Variants in DMD observed in about 807,000 individuals in gnomAD.
The protein encoded by DMD is dystrophin.
Under a neutral mutation model 330.1 loss-of-function variants are expected in DMD, and 63 were observed. The ratio of observed to expected loss-of-function variants is 0.19; its 90% confidence interval spans 0.16 to 0.24. DMD has a LOEUF of 0.24. DMD is among the 10% of genes least tolerant of loss of function. The probability of loss-of-function intolerance (pLI) is 1.00; values close to 1 mark genes in which losing one functional copy is unlikely to be tolerated. For synonymous variants in DMD, 1,223 were observed against 959.8 expected (o/e 1.27, Z -5.07); for missense variants, 3,344 against 2,684.1 (o/e 1.25, Z -5.43).
intron 2 of DMD, among the ~76,000 whole-genome samples, chrX:32,982,923 G>A (rs2092743974): frequency 8.9e-6 from 1 of 112,172 alleles, no homozygotes; most frequent in Non-Finnish European, 1.9e-5. Flanking sequence ...TACCTGTGAA[G>A]GAGTAAAGGA....
intron 51 of DMD, among the ~76,000 whole-genome samples, chrX:31,735,980 T>C (rs2086844109): frequency 8.9e-6 from 1 of 111,742 alleles, no homozygotes; most frequent in African/African-American, 3.3e-5. Context: ...CATGCTCTAC[T>C]GTTGCCATCT....
intron 11 of DMD, among the ~76,000 whole-genome samples, chrX:32,618,509 G>A (rs2057754143): frequency 9.0e-6 from 1 of 110,710 alleles, no homozygotes; most frequent in African/African-American, 3.3e-5. Context: ...GGGGCCTATT[G>A]GAGTTTGGAG....
At chrX:32,603,840 G>C (rs2056437286) in intron 12 of DMD, among the ~76,000 whole-genome samples, 1 of 111,091 alleles carries the variant, frequency 9.0e-6, no homozygotes, top group Admixed American at 9.6e-5. Flanking sequence ...ATAACAAATA[G>C]TGAAACTGAA....
intron 11 of DMD, among the ~76,000 whole-genome samples, chrX:32,635,874 C>T (rs572590440): frequency 2.6e-4 from 29 of 111,849 alleles, no homozygotes; most frequent in Middle Eastern, 4.6e-3. Context: ...GTACATCCAT[C>T]GCTATTGTCC....
chrX:32,726,922 C>T (rs749997644), intron 7 of DMD, among the ~76,000 whole-genome samples: 4 of 110,023 alleles, frequency 3.6e-5, no homozygotes, highest in South Asian at 3.9e-4. Flanking sequence ...ACTACCATGA[C>T]GATAAAGGAC....
rs189801666 is a variant in DMD, at chrX:33,330,033, C to T, written c.7+9226G>A. 9.0e-4 allele frequency among the ~76,000 whole-genome samples: 99 copies of T among 110,409 alleles called. 1 individual carries two copies. The East Asian group carries it at 0.025, about 28-fold the overall frequency. Reference sequence around the variant, plus strand: ...AGCCTATATATCTAAGTTACTTCAGCGAGTCAGAGATATAAATAGATATAT... The same window carrying T: ...AGCCTATATATCTAAGTTACTTCAGTGAGTCAGAGATATAAATAGATATAT... On this transcript the variant is annotated intron_variant, in intron 1 of 17. Transcript: ENST00000288447.
chrX:32,487,532 T>C (rs2042602950), intron 20 of DMD, among the ~76,000 whole-genome samples: 1 of 111,268 alleles, frequency 9.0e-6, no homozygotes, highest in African/African-American at 3.3e-5. Flanking sequence ...AAAAAAAAAG[T>C]TAATATTTAT....
chrX:32,484,782 G>C, intron 21 of DMD, 137 bp downstream of exon 21: 1 of 646,148 alleles, frequency 1.5e-6, no homozygotes, highest in South Asian at 2.6e-5. Context: ...CCAGTATTTC[G>C]TTCCTTGTTA....
chrX:31,915,820 C>T (rs1419820728), intron 47 of DMD, among the ~76,000 whole-genome samples: 2 of 111,383 alleles, frequency 1.8e-5, no homozygotes, highest in Non-Finnish European at 3.8e-5. Context: ...AACTGAATAC[C>T]TTACTTGTGA....
chrX:32,456,578 TTGTGTGTGTGTGTG>T lies in DMD; in HGVS notation c.3433-1760_3433-1747del, dbSNP rs60876331. On this transcript the variant is annotated intron_variant, in intron 25 of 78. Coordinates refer to ENST00000357033, the MANE Select transcript of DMD (RefSeq NM_004006.3). ...AAAACTATACATTCACATACATACT[TTGTGTGTGTGTGTG>T]TGTGTGTGTGTGTGTGTGTGTGTGT... 1.0e-3 allele frequency among the ~76,000 whole-genome samples: 93 copies of T among 89,498 alleles called. 2 individuals carry two copies. In the South Asian group the frequency reaches 0.042, roughly 40 times the overall value. The allele number at this position is 89,498 out of a possible 115,157, so 77.7% of individuals were successfully genotyped here. A position where few individuals can be genotyped will look rare whatever the true frequency, so the allele number is the denominator to read the frequency against.
chrX:32,448,515 G>A lies in DMD; in HGVS notation c.3727C>T (p.Leu1243=), dbSNP rs374715206. ...CAGAGCCACTGGTAGTTGGTGGTTAGAGTTTCAAGTTCCTTTTTTAAGGCC... is the reference window on the plus strand; with the variant it reads ...CAGAGCCACTGGTAGTTGGTGGTTAAAGTTTCAAGTTCCTTTTTTAAGGCC... ...QEALKKELET[L]TTNYQWLCTR... Residue 1243 remains leucine (L), a synonymous_variant, in exon 27 of 79, where the codon CTA becomes TTA. Transcript: ENST00000357033. 6 of 1,207,090 alleles carry A rather than the reference G, an allele frequency of 5.0e-6. No individual in the cohort carries two copies. The African/African-American group carries it at 1.1e-4, about 21-fold the overall frequency.
At chrX:32,381,747 C>A (rs1332892168) in intron 33 of DMD, among the ~76,000 whole-genome samples, 1 of 111,103 alleles carries the variant, frequency 9.0e-6, no homozygotes. Context: ...TATACTCTTA[C>A]AAGTTGCTCC....
chrX:32,072,430 A>G (rs754713920), intron 44 of DMD, among the ~76,000 whole-genome samples: 24 of 79,008 alleles, frequency 3.0e-4, no homozygotes, highest in East Asian at 1.0e-3. Flanking sequence ...TCTATTTGGG[A>G]AAAAAAAAAA....
chrX:33,174,051 A>T (rs1428923061), intron 1 of DMD, among the ~76,000 whole-genome samples: 4 of 107,418 alleles, frequency 3.7e-5, no homozygotes, highest in African/African-American at 1.4e-4. Context: ...AAAAAAAAAA[A>T]AAAGAATCCC....
At chrX:31,643,079 T>G (rs2079868728) in intron 54 of DMD, among the ~76,000 whole-genome samples, 1 of 112,012 alleles carries the variant, frequency 8.9e-6, no homozygotes, top group South Asian at 3.7e-4. Context: ...TGGTCTGAAT[T>G]TATTGCTATC....
Position 33,153,412 on chromosome X carries a change from AAAAC to A in DMD, c.31+57866_31+57869del, listed in dbSNP as rs751536999. Among the ~76,000 whole-genome samples, 527 of 112,839 alleles carry A rather than the reference AAAAC, an allele frequency of 4.7e-3. 2 individuals are homozygous for A. Among genetic ancestry groups the A allele is most frequent in the African/African-American group, 0.016 (487 of 31,109 alleles). ...GGCAACAAGAGTGAAACTCGGTCTC[AAAAC>A]AAACAAACAAACAAAACAAAACAAA... On this transcript the variant is annotated intron_variant, in intron 1 of 78. Transcript: ENST00000357033.
intron 1 of DMD, among the ~76,000 whole-genome samples, chrX:33,135,525 C>G (rs2095521738): frequency 8.9e-6 from 1 of 112,035 alleles, no homozygotes; most frequent in African/African-American, 3.2e-5. Context: ...ATAAAAAAAT[C>G]ACATTCTTAT....
At chrX:32,620,724 G>A (rs1026696289) in intron 11 of DMD, among the ~76,000 whole-genome samples, 3 of 111,652 alleles carry the variant, frequency 2.7e-5, no homozygotes, top group African/African-American at 6.5e-5. Context: ...TATTTGTTAG[G>A]AATGGACAAA....
At chrX:31,640,320 C>T (rs1192380332) in intron 54 of DMD, among the ~76,000 whole-genome samples, 1 of 112,390 alleles carries the variant, frequency 8.9e-6, no homozygotes, top group African/African-American at 3.2e-5. Flanking sequence ...GGCAAAAAGG[C>T]AACAAACACG....
Sources: allele counts gnomAD v4.1 joint callset (sites outside exome capture counted in the v4.1 genomes callset), GRCh38; gene constraint gnomAD v4.1.1; transcripts MANE v1.5; gene names NCBI Gene and HGNC (gene_info 2026-07-23, HGNC 2026-07-21).